Variants in PLCG1 observed in about 807,000 individuals in gnomAD.
The protein encoded by PLCG1 is 1-phosphatidylinositol 4,5-bisphosphate phosphodiesterase gamma-1.
In PLCG1, 71 loss-of-function variants were observed where a neutral mutation model predicts 177.8. The ratio of observed to expected loss-of-function variants is 0.40; its 90% CI spans 0.33 to 0.49. The LOEUF (loss-of-function observed/expected upper bound fraction) is 0.49, where lower values mean the gene tolerates loss of function less well. Ranked by LOEUF, PLCG1 falls within the 20% of genes least tolerant of loss-of-function variation. The pLI, the probability that PLCG1 is intolerant of heterozygous loss-of-function variation, is 0.72. For missense variants in PLCG1, 1,281 were observed against 1,709.0 expected, an observed-to-expected ratio of 0.75 and a Z score of 4.42; for synonymous variants, 658 against 647.9, an observed-to-expected ratio of 1.02 and a Z score of -0.24.
rs1184056895 is a variant in PLCG1, at chr20:41,147,467, A to G, written c.217+9609A>G. 6.6e-6 allele frequency among the ~76,000 whole-genome samples: 1 copy of G among 152,250 alleles called. No homozygotes were observed. The highest frequency in any genetic ancestry group is 1.5e-5 in the Non-Finnish European group (1 of 68,044). Reference sequence around the variant, plus strand: ...TAAAGTTTGGGCAAGCAGCTGTCCTAAGCAGGTAAAACGATAGGTTATTCA... The same window carrying G: ...TAAAGTTTGGGCAAGCAGCTGTCCTGAGCAGGTAAAACGATAGGTTATTCA... On this transcript the variant is annotated intron_variant, in intron 1 of 31. Transcript: ENST00000685551. This position sits in a 1 kb window ranked among gnomAD's most constrained non-coding sequence, Gnocchi z 4.0.
rs2035707661 is a variant in PLCG1, at chr20:41,166,744, C to T, written c.2186C>T (p.Ser729Leu). 4.3e-6 allele frequency: 7 copies of T among 1,614,092 alleles called. No homozygotes were observed. Among genetic ancestry groups the T allele is most frequent in the Admixed American group, 1.7e-5 (1 of 60,026 alleles). ...GGCCAGACAGTGATGCTAGGGAACTCGGAGTTCGACAGCCTTGTTGACCTC... is the reference window on the plus strand; with the variant it reads ...GGCCAGACAGTGATGCTAGGGAACTTGGAGTTCGACAGCCTTGTTGACCTC... ...QEGQTVMLGNSEFDSLVDLIS... is the reference protein window; with the variant it reads ...QEGQTVMLGNLEFDSLVDLIS... The change falls in exon 19 of 32, where the codon TCG (serine) becomes TTG (leucine). Residue 729 changes from serine (S) to leucine (L), a missense_variant. Ser to Leu is a moderately radical substitution (Grantham distance 145). Coordinates refer to ENST00000685551, the MANE Select transcript of PLCG1 (RefSeq NM_002660.3). The surrounding 1 kb of genome is among the most constrained non-coding windows in gnomAD (Gnocchi z 8.6).
Position 41,162,642 on chromosome 20 carries a change from G to A in PLCG1, c.598G>A (p.Asp200Asn), listed in dbSNP as rs767910982. 1.2e-6 allele frequency: 2 copies of A among 1,613,898 alleles called. No individual in the cohort carries two copies. Among genetic ancestry groups the A allele is most frequent in the South Asian group, 2.2e-5 (2 of 91,048 alleles). ...GGCACTCCTGCTCTATACCATGCAG[G>A]ACCTGGAGCAGCGCAGCGGGGACAT... ...NMRFLRERLT[D>N]LEQRSGDITY... Residue 200 changes from aspartate to asparagine, a missense_variant and splice_region_variant, in exon 6 of 32, where the codon GAC (aspartate) becomes AAC (asparagine). By Grantham distance (23) the Asp-to-Asn change is conservative. Coordinates refer to ENST00000685551, the MANE Select transcript of PLCG1 (RefSeq NM_002660.3).
intron 1 of PLCG1, among the ~76,000 whole-genome samples, chr20:41,154,635 C>A (rs2035263422): frequency 6.6e-6 from 1 of 151,954 alleles, no homozygotes; most frequent in Admixed American, 6.6e-5. Flanking sequence ...GGGGTGGGAG[C>A]AAGAGTCAAA....
At chr20:41,170,046 G>A (rs35432552) in intron 23 of PLCG1, 66 bp from the exon 24 acceptor site, 59,492 of 1,404,514 alleles carry the variant, frequency 0.042, 1,498 homozygotes, top group Non-Finnish European at 0.052. Context: ...CAGTGCCTGC[G>A]GTGTGGAGTG....
At position 41,151,352 on chromosome 20, in the gene PLCG1, A is replaced by G. The variant is rs910603614; in HGVS notation, c.218-8254A>G. 6.6e-6 allele frequency among the ~76,000 whole-genome samples: 1 copy of G among 152,134 alleles called. No individual in the cohort carries two copies. Among genetic ancestry groups the G allele is most frequent in the Non-Finnish European group, 1.5e-5 (1 of 68,026 alleles). ...GGACCCTCTGTTTCCTCATTGTTTC[A>G]AAGAGATTTGTCTAGAATCTAGACC... On this transcript the variant is annotated intron_variant, in intron 1 of 31. Coordinates refer to ENST00000685551, the MANE Select transcript of PLCG1 (RefSeq NM_002660.3). The surrounding 1 kb of genome is among the most constrained non-coding windows in gnomAD (Gnocchi z 5.5).
At position 41,176,397 on chromosome 20, in the gene PLCG1, C is replaced by G. The variant is rs2036066242; in HGVS notation, c.*1888C>G. The G allele has an allele frequency of 6.6e-6, 1 of 152,258 alleles. No individual in the cohort carries two copies. Among genetic ancestry groups the G allele is most frequent in the Non-Finnish European group, 1.5e-5 (1 of 68,046 alleles). 9.4% of individuals were successfully genotyped at this position (152,258 alleles called of 1,614,324 possible). ...GGGAATTCACCTGGGCCCTCATGAT[C>G]CATGTTTCCTCTCTAGGTTTTTATG... On this transcript the variant is annotated 3_prime_UTR_variant, in exon 32 of 32. Coordinates refer to ENST00000685551, the MANE Select transcript of PLCG1 (RefSeq NM_002660.3).
Position 41,164,943 on chromosome 20 carries a change from A to G in PLCG1, c.1228A>G (p.Ile410Val). Residue 410 changes from isoleucine to valine, a missense_variant, in exon 13 of 32, where the codon ATC (isoleucine) becomes GTC (valine). This residue lies in a region of PLCG1 where 723 missense variants were observed against 1,030.0 expected (regional missense o/e 0.70). Coordinates refer to ENST00000685551, the MANE Select transcript of PLCG1 (RefSeq NM_002660.3). This position sits in a 1 kb window ranked among gnomAD's most constrained non-coding sequence, Gnocchi z 6.4. Reference protein sequence around the residue: ...HAFVASEYPVILSIEDHCSIA... With the variant: ...HAFVASEYPVVLSIEDHCSIA... The stretch of plus-strand genomic sequence containing the variant: ...TCCCCCATCCCGCAGGTACCCAGTC[A>G]TCCTGTCCATTGAGGACCACTGCAG... 3 of 1,613,962 alleles carry G rather than the reference A, an allele frequency of 1.9e-6. No individual in the cohort carries two copies. Among genetic ancestry groups the G allele is most frequent in the Non-Finnish European group, 2.5e-6 (3 of 1,179,886 alleles).
At chr20:41,139,709 A>G (rs1482376509) in intron 1 of PLCG1, among the ~76,000 whole-genome samples, 1 of 152,246 alleles carries the variant, frequency 6.6e-6, no homozygotes, top group Admixed American at 6.5e-5. Flanking sequence ...TAGCAATAAC[A>G]TTAACAATAG....
chr20:41,168,652 C>T, intron 20 of PLCG1, 115 bp from the exon 21 acceptor site: 2 of 668,908 alleles, frequency 3.0e-6, no homozygotes, highest in Non-Finnish European at 5.5e-6. Context: ...TCATCTCCCA[C>T]TGGCCTGACC....
In PLCG1 at chr20:41,153,215, T is replaced by G. The variant is rs1219211369; in HGVS notation, c.218-6391T>G. On this transcript the variant is annotated intron_variant, in intron 1 of 31. Transcript: ENST00000685551. This position sits in a 1 kb window ranked among gnomAD's most constrained non-coding sequence, Gnocchi z 5.1. ...CAAAATTTCTTTACTCCATGCATGTTTAAATGGATAGTTTTTGCTACCATT... is the reference window on the plus strand; with the variant it reads ...CAAAATTTCTTTACTCCATGCATGTGTAAATGGATAGTTTTTGCTACCATT... 6.6e-6 allele frequency among the ~76,000 whole-genome samples: 1 copy of G among 152,260 alleles called. No individual in the cohort carries two copies. Among genetic ancestry groups the G allele is most frequent in the African/African-American group, 2.4e-5 (1 of 41,468 alleles).
chr20:41,138,006 G>T lies in PLCG1; in HGVS notation c.217+148G>T, dbSNP rs368127826. On this transcript the variant is annotated intron_variant, in intron 1 of 31. Coordinates refer to ENST00000685551, the MANE Select transcript of PLCG1 (RefSeq NM_002660.3). Reference sequence around the variant, plus strand: ...TCCCTCCGGGCCCCGCCCCCGCTTCGTCTCGGGTGGTCACTGGGGGCGGGG... The same window carrying T: ...TCCCTCCGGGCCCCGCCCCCGCTTCTTCTCGGGTGGTCACTGGGGGCGGGG... 119 of 475,068 alleles carry T rather than the reference G, an allele frequency of 2.5e-4. 1 individual carries two copies. The South Asian group carries it at 0.013, about 52-fold the overall frequency. The allele number at this position is 475,068 out of a possible 1,614,324, so 29.4% of individuals were successfully genotyped here. A position where few individuals can be genotyped will look rare whatever the true frequency, so the allele number is the denominator to read the frequency against.
At position 41,173,840 on chromosome 20, in the gene PLCG1, C is replaced by T; in HGVS notation, c.3556+27C>T. Reference sequence around the variant, plus strand: ...TGAGGACCATTCCTGGAGGCAGTGCCCCTGCAATCTTGCTGGCAGGGTGGG... The same window carrying T: ...TGAGGACCATTCCTGGAGGCAGTGCTCCTGCAATCTTGCTGGCAGGGTGGG... On this transcript the variant is annotated intron_variant, in intron 29 of 31. Coordinates refer to ENST00000685551, the MANE Select transcript of PLCG1 (RefSeq NM_002660.3). This position sits in a 1 kb window ranked among gnomAD's most constrained non-coding sequence, Gnocchi z 6.2. 4 of 1,611,650 alleles carry T rather than the reference C, an allele frequency of 2.5e-6. No individual in the cohort carries two copies. Among genetic ancestry groups the T allele is most frequent in the Non-Finnish European group, 3.4e-6 (4 of 1,178,296 alleles).
chr20:41,138,072 C>T (rs1036670558), intron 1 of PLCG1: 1 of 380,584 alleles, frequency 2.6e-6, no homozygotes, highest in African/African-American at 2.1e-5. Flanking sequence ...CACCCCCCCT[C>T]CCCCAGCTGG....
Position 41,176,980 on chromosome 20 carries a change from A to C in PLCG1, c.*2471A>C, listed in dbSNP as rs2146072453. ...TAGCACCACTTGGGGAGCTTCTGAA[A>C]AATACTGGTACCCGGGGCCTTAGCA... On this transcript the variant is annotated 3_prime_UTR_variant, in exon 32 of 32. Transcript: ENST00000685551. The C allele has an allele frequency of 6.6e-6, 1 of 152,370 alleles. No individual in the cohort carries two copies. Among genetic ancestry groups the C allele is most frequent in the East Asian group, 1.9e-4 (1 of 5,186 alleles). 9.4% of individuals were successfully genotyped at this position (152,370 alleles called of 1,614,324 possible). A position where few individuals can be genotyped will look rare whatever the true frequency, so the allele number is the denominator to read the frequency against.
At position 41,151,012 on chromosome 20, in the gene PLCG1, ATGTT is replaced by A. The variant is rs2035151034; in HGVS notation, c.218-8591_218-8588del. On this transcript the variant is annotated intron_variant, in intron 1 of 31. Coordinates refer to ENST00000685551, the MANE Select transcript of PLCG1 (RefSeq NM_002660.3). This position sits in a 1 kb window ranked among gnomAD's most constrained non-coding sequence, Gnocchi z 5.5. ...CATGGAGTAGATAGATGCCCGATAA[ATGTT>A]TGATCAGATGATGGAATGAATGACT... 6.6e-6 allele frequency among the ~76,000 whole-genome samples: 1 copy of A among 152,166 alleles called. No homozygotes were observed. Among genetic ancestry groups the A allele is most frequent in the Admixed American group, 6.5e-5 (1 of 15,276 alleles).
chr20:41,147,749 G>A lies in PLCG1; in HGVS notation c.217+9891G>A, dbSNP rs1600637753. On this transcript the variant is annotated intron_variant, in intron 1 of 31. Transcript: ENST00000685551. This position sits in a 1 kb window ranked among gnomAD's most constrained non-coding sequence, Gnocchi z 4.0. Reference sequence around the variant, plus strand: ...CTGTAACCCAGCTACTCAGGAAGCTGAGGCAGGATAATTGCTTGAACCCGG... The same window carrying A: ...CTGTAACCCAGCTACTCAGGAAGCTAAGGCAGGATAATTGCTTGAACCCGG... Among the ~76,000 whole-genome samples the A allele has an allele frequency of 6.6e-6, 1 of 152,234 alleles. No homozygotes were observed. The highest frequency in any genetic ancestry group is 6.5e-5 in the Admixed American group (1 of 15,292).
rs1020289639 is a variant in PLCG1, at chr20:41,172,985, C to A, written c.3279+108C>A. On this transcript the variant is annotated intron_variant, in intron 27 of 31. Coordinates refer to ENST00000685551, the MANE Select transcript of PLCG1 (RefSeq NM_002660.3). This position sits in a 1 kb window ranked among gnomAD's most constrained non-coding sequence, Gnocchi z 7.0. The stretch of plus-strand genomic sequence containing the variant: ...AGGTATTTTCAGGCATCAAGGTGGT[C>A]AGGGTGGGTGGGGCCTGAGCTGAGT... 1 of 1,217,276 alleles carries A rather than the reference C, an allele frequency of 8.2e-7. No homozygotes were observed. The highest frequency in any genetic ancestry group is 1.1e-6 in the Non-Finnish European group (1 of 872,950). The allele number at this position is 1,217,276 out of a possible 1,614,324, so 75.4% of individuals were successfully genotyped here.
In PLCG1 at chr20:41,156,387, TG is replaced by T. The variant is rs2035322533; in HGVS notation, c.218-3216del. 6.6e-6 allele frequency among the ~76,000 whole-genome samples: 1 copy of T among 152,204 alleles called. No homozygotes were observed. The highest frequency in any genetic ancestry group is 2.1e-4 in the South Asian group (1 of 4,826). On this transcript the variant is annotated intron_variant, in intron 1 of 31. Coordinates refer to ENST00000685551, the MANE Select transcript of PLCG1 (RefSeq NM_002660.3). This position sits in a 1 kb window ranked among gnomAD's most constrained non-coding sequence, Gnocchi z 5.0. Reference sequence around the variant, plus strand: ...CACCATGGGCCTGGGGACGTGGTGCTGGGCAGAATGAATATGCTGCAGCCCT... The same window carrying T: ...CACCATGGGCCTGGGGACGTGGTGCTGGCAGAATGAATATGCTGCAGCCCT...
intron 1 of PLCG1, among the ~76,000 whole-genome samples, chr20:41,154,821 TCTCCTGCAGAGG>T (rs2035268880): frequency 6.6e-6 from 1 of 152,154 alleles, no homozygotes; most frequent in Non-Finnish European, 1.5e-5. Flanking sequence ...GGGGGCTTAC[TCTCCTGCAGAGG>T]CAGGTTCTCA....
Sources: allele counts gnomAD v4.1 joint callset (sites outside exome capture counted in the v4.1 genomes callset), GRCh38; gene constraint gnomAD v4.1.1; regional missense constraint gnomAD v4.1.1; non-coding constraint Gnocchi (gnomAD v3.1); transcripts MANE v1.5; gene names NCBI Gene and HGNC (gene_info 2026-07-23, HGNC 2026-07-21).